Variants in FHIT observed in about 807,000 individuals in gnomAD.
FHIT encodes the protein bis(5'-adenosyl)-triphosphatase.
Under a neutral mutation model 17.9 loss-of-function variants are expected in FHIT, and 19 were observed. That is an observed-to-expected ratio of 1.06 (90% CI 0.74 to 1.56). FHIT has a LOEUF of 1.56. Among genes scored for constraint, FHIT ranks in the 40% most tolerant of loss-of-function variants. The pLI is 0.00. For missense variants in FHIT, 248 were observed against 189.2 expected (o/e 1.31, Z -1.82); for synonymous variants, 81 against 69.7 (o/e 1.16, Z -0.81).
chr3:60,579,561 C>T (rs1303194079), intron 4 of FHIT, among the ~76,000 whole-genome samples: 2 of 152,096 alleles, frequency 1.3e-5, no homozygotes, highest in Non-Finnish European at 2.9e-5. Context: ...GTTAAAATAA[C>T]ACTATGTGAA....
chr3:60,827,276 A>G (rs1281730059), intron 3 of FHIT, among the ~76,000 whole-genome samples: 1 of 152,174 alleles, frequency 6.6e-6, no homozygotes, highest in African/African-American at 2.4e-5. Flanking sequence ...CAAACCTTCA[A>G]AGAAAAATCT....
intron 5 of FHIT, among the ~76,000 whole-genome samples, chr3:60,440,221 A>G (rs2030669571): frequency 1.3e-5 from 2 of 152,068 alleles, no homozygotes; most frequent in South Asian, 2.1e-4. Context: ...TCCAAATTTC[A>G]AACAAGTAAC....
chr3:60,168,052 G>A (rs1189385010), intron 5 of FHIT, among the ~76,000 whole-genome samples: 1 of 152,080 alleles, frequency 6.6e-6, no homozygotes, highest in Admixed American at 6.6e-5. Flanking sequence ...AAACAAATTT[G>A]TTATCAACTT....
At chr3:60,689,464 G>T (rs1577071718) in intron 4 of FHIT, among the ~76,000 whole-genome samples, 1 of 152,206 alleles carries the variant, frequency 6.6e-6, no homozygotes, top group East Asian at 1.9e-4. Context: ...TAGTCTGTAG[G>T]TTACATGCAA....
chr3:60,625,179 G>A (rs2039250535), intron 4 of FHIT, among the ~76,000 whole-genome samples: 1 of 152,200 alleles, frequency 6.6e-6, no homozygotes, highest in African/African-American at 2.4e-5. Flanking sequence ...AAAATGTTGG[G>A]ATTACAGGCA....
chr3:60,295,819 T>C (rs1218329485), intron 5 of FHIT, among the ~76,000 whole-genome samples: 1 of 152,074 alleles, frequency 6.6e-6, no homozygotes, highest in African/African-American at 2.4e-5. Flanking sequence ...CAACAAATGG[T>C]GCTAACGCAG....
At chr3:59,838,963 G>A (rs1246836173) in intron 8 of FHIT, among the ~76,000 whole-genome samples, 1 of 151,966 alleles carries the variant, frequency 6.6e-6, no homozygotes, top group Non-Finnish European at 1.5e-5. Flanking sequence ...TTGGGATCTG[G>A]GTGACCTTTA....
intron 3 of FHIT, among the ~76,000 whole-genome samples, chr3:60,962,785 G>C (rs1399403559): frequency 1.3e-5 from 2 of 152,180 alleles, no homozygotes; most frequent in African/African-American, 4.8e-5. Flanking sequence ...AAGCCAACTT[G>C]ATCGTGGTGG....
At chr3:60,882,513 T>C (rs560688665) in intron 3 of FHIT, among the ~76,000 whole-genome samples, 17 of 152,086 alleles carry the variant, frequency 1.1e-4, no homozygotes, top group South Asian at 2.1e-4. Context: ...AAAAAGAACA[T>C]TCACCATGAT....
At chr3:60,559,356 G>A (rs2036851787) in intron 4 of FHIT, among the ~76,000 whole-genome samples, 1 of 152,140 alleles carries the variant, frequency 6.6e-6, no homozygotes, top group South Asian at 2.1e-4. Flanking sequence ...CAAAAGATGT[G>A]TCAGTGTCAC....
intron 5 of FHIT, among the ~76,000 whole-genome samples, chr3:60,278,518 T>C (rs1447290288): frequency 6.6e-6 from 1 of 152,112 alleles, no homozygotes; most frequent in Non-Finnish European, 1.5e-5. Context: ...TCCTGAGACC[T>C]CATCACCACG....
chr3:61,077,441 A>T (rs2035004156), intron 2 of FHIT, among the ~76,000 whole-genome samples: 1 of 152,060 alleles, frequency 6.6e-6, no homozygotes, highest in African/African-American at 2.4e-5. Context: ...ACTTTGCACA[A>T]AGCCTTCAAG....
intron 3 of FHIT, among the ~76,000 whole-genome samples, chr3:60,898,219 A>G (rs2107210025): frequency 6.6e-6 from 1 of 152,340 alleles, no homozygotes; most frequent in East Asian, 1.9e-4. Flanking sequence ...GCATTTTAAA[A>G]GGCTACATGG....
rs547403321 is a variant in FHIT at position 60,193,376 on chromosome 3, G to A, written c.104-179224C>T. On this transcript the variant is annotated intron_variant, in intron 5 of 9. Transcript: ENST00000492590. ...AAGGTCTGGGCATTTGTCTTTCCAG[G>A]CTAACAGAGGAGGAGACAATGAGAC... Among the ~76,000 whole-genome samples, 91 of 152,244 alleles carry A rather than the reference G, an allele frequency of 6.0e-4. 2 individuals carry two copies. In the South Asian group the frequency reaches 0.018, roughly 31 times the overall value.
intron 4 of FHIT, among the ~76,000 whole-genome samples, chr3:60,626,806 G>A (rs1196765486): frequency 5.3e-5 from 1 of 18,812 alleles, no homozygotes; most frequent in African/African-American, 1.7e-4. Context: ...TTTTTTTTAC[G>A]TTAAGTATGA....
At chr3:60,609,768 GTCTGATT>G (rs1377861363) in intron 4 of FHIT, among the ~76,000 whole-genome samples, 6 of 152,058 alleles carry the variant, frequency 3.9e-5, no homozygotes, top group Non-Finnish European at 5.9e-5. Context: ...TGCCTCAAAG[GTCTGATT>G]TCTTAGGTGC....
At chr3:60,819,331 T>A (rs553910219) in intron 4 of FHIT, among the ~76,000 whole-genome samples, 1 of 152,178 alleles carries the variant, frequency 6.6e-6, no homozygotes, top group Admixed American at 6.5e-5. Context: ...CAGCATAAAG[T>A]TAAATGATAG....
chr3:60,125,711 C>T (rs1229440076), intron 5 of FHIT, among the ~76,000 whole-genome samples: 2 of 150,916 alleles, frequency 1.3e-5, no homozygotes, highest in African/African-American at 2.4e-5. Flanking sequence ...TACACACACA[C>T]GTATGTATAT....
intron 5 of FHIT, among the ~76,000 whole-genome samples, chr3:60,077,791 A>G (rs569195212): frequency 3.0e-4 from 46 of 151,770 alleles, no homozygotes; most frequent in Admixed American, 1.8e-3. Flanking sequence ...CTAGAGATCT[A>G]ATATACAATA....
Sources: allele counts gnomAD v4.1 joint callset (sites outside exome capture counted in the v4.1 genomes callset), GRCh38; gene constraint gnomAD v4.1.1; transcripts MANE v1.5; gene names NCBI Gene and HGNC (gene_info 2026-07-23, HGNC 2026-07-21).